Variants in GKAP1 observed in about 807,000 individuals in gnomAD.
GKAP1 encodes the protein G kinase anchoring protein 1.
In GKAP1, 31 loss-of-function variants were observed where a neutral mutation model predicts 56.7. That is an observed-to-expected ratio of 0.55 (90% CI 0.41 to 0.74). The LOEUF (loss-of-function observed/expected upper bound fraction) is 0.74, where lower values mean the gene tolerates loss of function less well. Ranked by LOEUF, GKAP1 falls within the 30% of genes least tolerant of loss-of-function variation. The pLI, the probability that GKAP1 is intolerant of heterozygous loss-of-function variation, is 0.00. For missense variants in GKAP1, 364 were observed against 402.3 expected (o/e 0.90, Z 0.82); for synonymous variants, 151 against 138.6 (o/e 1.09, Z -0.63).
At chr9:83,748,653 C>A (rs754383981) in intron 9 of GKAP1, 20 of 202,640 alleles carry the variant, frequency 9.9e-5, no homozygotes, top group African/African-American at 1.4e-4. Flanking sequence ...AAATAATCTT[C>A]TTTTCTTCCT....
At chr9:83,774,638 C>A (rs866385012) in intron 7 of GKAP1, among the ~76,000 whole-genome samples, 1 of 146,172 alleles carries the variant, frequency 6.8e-6, no homozygotes, top group African/African-American at 2.5e-5. Context: ...AACTGACAAA[C>A]GGGACCTAGT....
At chr9:83,798,611 A>G (rs1254511285) in intron 4 of GKAP1, among the ~76,000 whole-genome samples, 1 of 152,042 alleles carries the variant, frequency 6.6e-6, no homozygotes, top group Non-Finnish European at 1.5e-5. Context: ...CGACCTCCTG[A>G]GCTCTGATCT....
rs1943328132 is a variant in GKAP1 at position 83,748,331 on chromosome 9, C to T, written c.882G>A (p.Leu294=). The change falls in exon 10 of 13, where the codon TTG becomes TTA. Residue 294 remains leucine, a synonymous_variant. Coordinates refer to ENST00000376371, the MANE Select transcript of GKAP1 (RefSeq NM_025211.4). ...KEVKARNAQL[L]KMLQEGEMKD... ...TACTTTCACCTTCCTGAAGCATTTT[C>T]AATAATTGTGCATTTCTTGCCTTTA... 1 of 1,598,434 alleles carries T rather than the reference C, an allele frequency of 6.3e-7. No individual in the cohort carries two copies. The highest frequency in any genetic ancestry group is 8.5e-7 in the Non-Finnish European group (1 of 1,170,686).
intron 8 of GKAP1, among the ~76,000 whole-genome samples, chr9:83,756,678 A>G (rs1943483743): frequency 6.6e-6 from 1 of 152,056 alleles, no homozygotes; most frequent in South Asian, 2.1e-4. Flanking sequence ...TTTTTCTCCC[A>G]CTACATCTGA....
chr9:83,744,832 T>C (rs1290124536), intron 10 of GKAP1, among the ~76,000 whole-genome samples: 6 of 152,130 alleles, frequency 3.9e-5, no homozygotes, highest in Non-Finnish European at 7.4e-5. Context: ...ACAATCATAG[T>C]AGAAGGCACT....
At chr9:83,812,485 C>A (rs1944525794) in intron 2 of GKAP1, among the ~76,000 whole-genome samples, 1 of 150,918 alleles carries the variant, frequency 6.6e-6, no homozygotes. Flanking sequence ...GTAGCTGGGA[C>A]TACAGGCACG....
intron 7 of GKAP1, among the ~76,000 whole-genome samples, chr9:83,776,139 T>C (rs1943857654): frequency 6.6e-6 from 1 of 152,112 alleles, no homozygotes; most frequent in African/African-American, 2.4e-5. Flanking sequence ...TTCCATGATG[T>C]GGTTACATTA....
intron 8 of GKAP1, among the ~76,000 whole-genome samples, chr9:83,765,127 G>A (rs905252135): frequency 2.0e-5 from 3 of 152,156 alleles, no homozygotes; most frequent in African/African-American, 4.8e-5. Flanking sequence ...TGCAGCCTAG[G>A]GACTTGGTGC....
intron 4 of GKAP1, among the ~76,000 whole-genome samples, chr9:83,794,111 T>C (rs1344445107): frequency 1.3e-5 from 2 of 152,144 alleles, no homozygotes; most frequent in Non-Finnish European, 1.5e-5. Context: ...AGGCTGCAGT[T>C]AGCCATGATC....
At chr9:83,742,983 C>A (rs572545371) in intron 10 of GKAP1, among the ~76,000 whole-genome samples, 1 of 151,950 alleles carries the variant, frequency 6.6e-6, no homozygotes, top group African/African-American at 2.4e-5. Context: ...ATGGCAAAAC[C>A]CTGTCTCTAC....
At chr9:83,810,050 G>C (rs1030575039) in intron 2 of GKAP1, among the ~76,000 whole-genome samples, 2 of 152,122 alleles carry the variant, frequency 1.3e-5, no homozygotes, top group African/African-American at 4.8e-5. Flanking sequence ...GGGCTCAAGT[G>C]ATCCTACCGC....
At chr9:83,761,026 A>G (rs1426289233) in intron 8 of GKAP1, among the ~76,000 whole-genome samples, 1 of 152,018 alleles carries the variant, frequency 6.6e-6, no homozygotes, top group African/African-American at 2.4e-5. Context: ...GCAGAAATAA[A>G]TGAAACTAAA....
chr9:83,786,330 G>T (rs920456002), intron 5 of GKAP1, among the ~76,000 whole-genome samples: 1 of 151,998 alleles, frequency 6.6e-6, no homozygotes, highest in South Asian at 2.1e-4. Context: ...ATCACCTCAG[G>T]TCGGGAGTTC....
chr9:83,811,638 G>GTACTTCTGTCAGAAGGT, intron 2 of GKAP1, among the ~76,000 whole-genome samples: 1 of 152,252 alleles, frequency 6.6e-6, no homozygotes, highest in South Asian at 2.1e-4. Flanking sequence ...GTCTGAAAGG[G>GTACTTCTGTCAGAAGGT]TACTTCTGTC....
chr9:83,755,945 C>T (rs1943467731), intron 8 of GKAP1, among the ~76,000 whole-genome samples: 1 of 151,812 alleles, frequency 6.6e-6, no homozygotes, highest in East Asian at 1.9e-4. Flanking sequence ...GCTGGGATTA[C>T]AGGCGCCTGC....
In GKAP1 at chr9:83,817,074, G is replaced by C. The variant is rs569892796; in HGVS notation, c.-122C>G. The C allele has an allele frequency of 5.9e-5, 9 of 152,320 alleles. No homozygotes were observed. The highest frequency in any genetic ancestry group is 5.2e-4 in the Admixed American group (8 of 15,304). 9.4% of individuals were successfully genotyped at this position (152,320 alleles called of 1,614,324 possible). ...GAAACTTATTCGCAAAGTACATAGA[G>C]AAAGAAATTGCGCTGGGCGAAACCT... On this transcript the variant is annotated 5_prime_UTR_variant, in exon 2 of 13. Coordinates refer to ENST00000376371, the MANE Select transcript of GKAP1 (RefSeq NM_025211.4).
intron 4 of GKAP1, among the ~76,000 whole-genome samples, chr9:83,790,557 C>T (rs1944137791): frequency 6.6e-6 from 1 of 151,882 alleles, no homozygotes; most frequent in Admixed American, 6.6e-5. Context: ...ACGAGGTGGG[C>T]GGATCACCTG....
intron 5 of GKAP1, among the ~76,000 whole-genome samples, chr9:83,786,994 G>A (rs757179078): frequency 3.3e-5 from 5 of 151,988 alleles, no homozygotes; most frequent in East Asian, 1.9e-4. Flanking sequence ...TTACTTTTCC[G>A]GTGTAACCTG....
At chr9:83,769,134 G>T (rs994807451) in intron 7 of GKAP1, among the ~76,000 whole-genome samples, 164 bp from the exon 8 acceptor site, 1 of 152,192 alleles carries the variant, frequency 6.6e-6, no homozygotes, top group Non-Finnish European at 1.5e-5. Context: ...TCAACGACTT[G>T]ATCCTTCTCC....
Sources: allele counts gnomAD v4.1 joint callset (sites outside exome capture counted in the v4.1 genomes callset), GRCh38; gene constraint gnomAD v4.1.1; transcripts MANE v1.5; gene names NCBI Gene and HGNC (gene_info 2026-07-23, HGNC 2026-07-21).